The following SLC5A9 variants were observed in gnomAD, a reference collection of about 807,000 sequenced individuals.
The protein encoded by SLC5A9 is solute carrier family 5 member 9.
Under a neutral mutation model 70.9 loss-of-function variants are expected in SLC5A9, and 59 were observed. That is an observed-to-expected ratio of 0.83 (90% CI 0.68 to 1.03). SLC5A9 has a LOEUF of 1.03. Among genes scored for constraint, SLC5A9 ranks in the 50% least tolerant of loss-of-function variants. The probability of loss-of-function intolerance (pLI) is 0.00; values close to 1 mark genes in which losing one functional copy is unlikely to be tolerated. For synonymous variants in SLC5A9, 340 were observed against 346.5 expected (o/e 0.98, Z 0.21); for missense variants, 832 against 881.1 (o/e 0.94, Z 0.71).
At position 48,224,839 on chromosome 1, in the gene SLC5A9, A is replaced by C. The variant is rs761925194; in HGVS notation, c.234+44A>C. The C allele has an allele frequency of 1.9e-6, 3 of 1,561,458 alleles. No individual in the cohort carries two copies. The South Asian group carries it at 3.3e-5, about 17-fold the overall frequency. ...ACCACCCCTAGTGCAGAGGCTCCCA[A>C]CTTTCTTCCTCCCCACTATCCAAGC... On this transcript the variant is annotated intron_variant, in intron 2 of 13. Transcript: ENST00000438567.
chr1:48,244,878 G>GTGTGTATATATATATA (rs1391896495), intron 13 of SLC5A9, among the ~76,000 whole-genome samples: 304 of 29,392 alleles, frequency 0.01, 88 homozygotes, highest in East Asian at 0.046. Flanking sequence ...ATGTGTATGT[G>GTGTGTATATATATATA]TATATATATA....
At chr1:48,222,977 C>T in intron 1 of SLC5A9, 79 bp downstream of exon 1, 1 of 1,446,690 alleles carries the variant, frequency 6.9e-7, no homozygotes, top group Non-Finnish European at 9.5e-7. Flanking sequence ...GGAGCTGGGG[C>T]AGGGCTAGGC....
chr1:48,241,246 CT>C (rs1325685808), intron 12 of SLC5A9: 1 of 152,368 alleles, frequency 6.6e-6, no homozygotes, highest in Non-Finnish European at 1.5e-5. Context: ...GCCAAAACCC[CT>C]CTCCCAAGAT....
At chr1:48,234,364 C>T (rs1413489275) in intron 9 of SLC5A9, among the ~76,000 whole-genome samples, 1 of 152,154 alleles carries the variant, frequency 6.6e-6, no homozygotes, top group Non-Finnish European at 1.5e-5. Context: ...AGCGCTGGGA[C>T]ACTGCGGGGT....
At position 48,237,676 on chromosome 1, in the gene SLC5A9, CAG is replaced by C; in HGVS notation, c.1293_1294del. On this transcript the variant is annotated splice_acceptor_variant, in intron 10 of 13. Transcript: ENST00000438567. LOFTEE classifies it high-confidence loss of function. ...CCTCAGTGCCCTGTGCTCTCTCTGG[CAG>C]AGTGTTTGTGGTGTTCCTGGTTGTC... 6.2e-7 allele frequency: 1 copy of C among 1,613,762 alleles called. No individual in the cohort carries two copies. Among genetic ancestry groups the C allele is most frequent in the African/African-American group, 1.3e-5 (1 of 75,006 alleles).
chr1:48,237,880 C>T (rs1283402175), intron 11 of SLC5A9, 33 bp downstream of exon 11: 1 of 1,607,346 alleles, frequency 6.2e-7, no homozygotes, highest in Non-Finnish European at 8.5e-7. Flanking sequence ...TCACATACAG[C>T]AGAGGGGCTG....
chr1:48,224,971 G>T (rs1644124124), intron 2 of SLC5A9, among the ~76,000 whole-genome samples, 176 bp downstream of exon 2: 1 of 150,746 alleles, frequency 6.6e-6, no homozygotes. Flanking sequence ...AACCTGAGTG[G>T]TCCTGCTAGC....
intron 4 of SLC5A9, 82 bp from the exon 5 acceptor site, chr1:48,230,518 G>T: frequency 1.1e-6 from 1 of 887,618 alleles, no homozygotes; most frequent in Admixed American, 1.7e-5. Context: ...GCCTGGTGTT[G>T]CTGGGCAGGC....
chr1:48,244,824 TTATA>T (rs796467438), intron 13 of SLC5A9, among the ~76,000 whole-genome samples: 1 of 75,838 alleles, frequency 1.3e-5, no homozygotes, highest in African/African-American at 4.6e-5. Context: ...TATATTTATA[TTATA>T]TATATAAATT....
rs199536445 is a variant in SLC5A9 at position 48,229,441 on chromosome 1, C to A, written c.486C>A (p.Tyr162Ter). 1 of 1,614,072 alleles carries A rather than the reference C, an allele frequency of 6.2e-7. No individual in the cohort carries two copies. The highest frequency in any genetic ancestry group is 1.3e-5 in the African/African-American group (1 of 75,022). The change falls in exon 4 of 14, where the codon TAC becomes TAA. Residue 162 changes from tyrosine to a stop codon, truncating the protein, a stop_gained. Coordinates refer to ENST00000438567, the MANE Select transcript of SLC5A9 (RefSeq NM_001011547.3). LOFTEE classifies it high-confidence loss of function. ...TGTCTGTCCTGTCTCTCATCCTCTA[C>A]ATCTTCACCAAGATCTCGGTAGGTG... ...VYMSVLSLIL[Y>*]IFTKISTDIF...
intron 10 of SLC5A9, 100 bp from the exon 11 acceptor site, chr1:48,237,579 C>G (rs1467435728): frequency 8.7e-7 from 1 of 1,150,030 alleles, no homozygotes; most frequent in African/African-American, 1.5e-5. Context: ...ATTGTACATT[C>G]CCCTTCTTTC....
rs181527292 is a variant in SLC5A9 at position 48,232,609 on chromosome 1, C to A, written c.1033+107C>A. The A allele has an allele frequency of 1.3e-4, 187 of 1,443,424 alleles. No homozygotes were observed. In the African/African-American group the frequency reaches 2.3e-3, roughly 18 times the overall value. The allele number at this position is 1,443,424 out of a possible 1,614,324, so 89.4% of individuals were successfully genotyped here. A position where few individuals can be genotyped will look rare whatever the true frequency, so the allele number is the denominator to read the frequency against. On this transcript the variant is annotated intron_variant, in intron 8 of 13. Transcript: ENST00000438567. Reference sequence around the variant, plus strand: ...AATGTTAGGCCAGAGCAGGGGTTGGCAAGGTTTGTCTATTAAGAATACATA... The same window carrying A: ...AATGTTAGGCCAGAGCAGGGGTTGGAAAGGTTTGTCTATTAAGAATACATA...
intron 13 of SLC5A9, among the ~76,000 whole-genome samples, chr1:48,245,830 G>A (rs1369690584): frequency 6.6e-6 from 1 of 151,922 alleles, no homozygotes; most frequent in Non-Finnish European, 1.5e-5. Context: ...GCGTGGTGGT[G>A]CACACCTGTG....
intron 9 of SLC5A9, among the ~76,000 whole-genome samples, chr1:48,235,339 C>T (rs1644311486): frequency 6.6e-6 from 1 of 152,198 alleles, no homozygotes; most frequent in African/African-American, 2.4e-5. Flanking sequence ...CCTTTCTCTT[C>T]TCCCCAGCAG....
intron 13 of SLC5A9, among the ~76,000 whole-genome samples, chr1:48,244,862 G>A (rs1185507329): frequency 6.9e-5 from 1 of 14,442 alleles, no homozygotes; most frequent in Non-Finnish European, 1.3e-4. Context: ...CTGTGTGTGT[G>A]TATGTATGTG....
chr1:48,224,782 T>A lies in SLC5A9; in HGVS notation c.221T>A (p.Met74Lys). The A allele has an allele frequency of 1.2e-6, 2 of 1,613,494 alleles. No homozygotes were observed. The highest frequency in any genetic ancestry group is 1.7e-6 in the Non-Finnish European group (2 of 1,179,450). ...GGCTATTTCCTGGCCGGGAGGTCCA[T>A]GAGCTGGTGGCCAGTGAGTTGACCC... Reference protein sequence around the residue: ...IGGYFLAGRSMSWWPIGASLM... With the variant: ...IGGYFLAGRSKSWWPIGASLM... Residue 74 changes from methionine to lysine, a missense_variant, in exon 2 of 14, where the codon ATG becomes AAG. Met to Lys is a moderately conservative substitution (Grantham distance 95). Transcript: ENST00000438567.
rs958076220 is a variant in SLC5A9 at position 48,247,769 on chromosome 1, C to T, written c.*226C>T. ...TCAGGACCACCCAGAAGGTGTCACA[C>T]GGGGTTTCCCCACTCTTTCTGATAT... On this transcript the variant is annotated 3_prime_UTR_variant, in exon 14 of 14. Coordinates refer to ENST00000438567, the MANE Select transcript of SLC5A9 (RefSeq NM_001011547.3). 6.0e-5 allele frequency: 35 copies of T among 580,882 alleles called. 1 individual carries two copies. Among genetic ancestry groups the T allele is most frequent in the East Asian group, 6.0e-4 (21 of 35,200 alleles). The allele number at this position is 580,882 out of a possible 1,614,324, so 36.0% of individuals were successfully genotyped here. A position where few individuals can be genotyped will look rare whatever the true frequency, so the allele number is the denominator to read the frequency against.
At position 48,239,518 on chromosome 1, in the gene SLC5A9, C is replaced by T. The variant is rs1644368720; in HGVS notation, c.1658C>T (p.Thr553Ile). The T allele has an allele frequency of 1.2e-6, 2 of 1,614,192 alleles. No homozygotes were observed. Among genetic ancestry groups the T allele is most frequent in the Non-Finnish European group, 1.7e-6 (2 of 1,180,006 alleles). The change falls in exon 12 of 14, where the codon ACT becomes ATT. Residue 553 changes from threonine to isoleucine, a missense_variant. By Grantham distance (89) the Thr-to-Ile change is moderately conservative (BLOSUM62 -1). Coordinates refer to ENST00000438567, the MANE Select transcript of SLC5A9 (RefSeq NM_001011547.3). The surrounding 1 kb of genome is among the most constrained non-coding windows in gnomAD (Gnocchi z 4.2). ...ATTGTCATTGTCAGCCTCTGTACAA[C>T]TCCCATCCCTGAGGAACAGGCAAGT... ...IVIVIVSLCT[T>I]PIPEEQLTRL...
chr1:48,237,259 T>G (rs1458930381), intron 10 of SLC5A9, among the ~76,000 whole-genome samples: 1 of 149,548 alleles, frequency 6.7e-6, no homozygotes, highest in African/African-American at 2.5e-5. Context: ...GAAGGAGCAG[T>G]CCCTGGAAGC....
Sources: gnomAD v4.1 joint callset for allele counts (sites outside exome capture counted in the v4.1 genomes callset) on GRCh38, gnomAD v4.1.1 for gene constraint, Gnocchi (gnomAD v3.1) non-coding constraint, MANE v1.5 for transcripts, NCBI Gene and HGNC (gene_info 2026-07-23, HGNC 2026-07-21) for gene names.